The following GUCY1A2 variants were observed in gnomAD, a reference collection of about 807,000 sequenced individuals.
The protein encoded by GUCY1A2 is guanylate cyclase soluble subunit alpha-2.
Under a neutral mutation model 63.5 loss-of-function variants are expected in GUCY1A2, and 27 were observed. The observed-to-expected ratio is 0.43, with a 90% CI of 0.31 to 0.59. The LOEUF is 0.59. Ranked by LOEUF, GUCY1A2 falls within the 20% of genes least tolerant of loss-of-function variation. The pLI is 0.11. For synonymous variants in GUCY1A2, 364 were observed against 343.5 expected, an observed-to-expected ratio of 1.06 and a Z score of -0.66; for missense variants, 768 against 913.3, an observed-to-expected ratio of 0.84 and a Z score of 2.05.
At position 106,708,686 on chromosome 11, in the gene GUCY1A2, G is replaced by A. The variant is rs765985770; in HGVS notation, c.1837-20C>T. 1 of 1,530,122 alleles carries A rather than the reference G, an allele frequency of 6.5e-7. No homozygotes were observed. The highest frequency in any genetic ancestry group is 8.9e-7 in the Non-Finnish European group (1 of 1,127,990). 94.8% of individuals were successfully genotyped at this position (1,530,122 alleles called of 1,614,324 possible). On this transcript the variant is annotated intron_variant, in intron 6 of 7. Coordinates refer to ENST00000526355, the MANE Select transcript of GUCY1A2 (RefSeq NM_000855.3). ...CCTCATCTAAAGAAGAATGAAAGAG[G>A]AAAAGGAACATATTTGTTTCCATTT...
intron 3 of GUCY1A2, among the ~76,000 whole-genome samples, chr11:106,945,414 A>G (rs933997185): frequency 2.1e-5 from 3 of 144,750 alleles, no homozygotes; most frequent in Non-Finnish European, 4.6e-5. Flanking sequence ...ACAAAAAAAC[A>G]CATTAATCGA....
At chr11:106,711,320 A>T (rs1192696893) in intron 6 of GUCY1A2, among the ~76,000 whole-genome samples, 15 of 152,222 alleles carry the variant, frequency 9.9e-5, no homozygotes, top group Admixed American at 3.3e-4. Context: ...TGGAAAAAAC[A>T]TTCCAAGTAA....
chr11:106,685,453 A>G lies in GUCY1A2; in HGVS notation c.*2096T>C, dbSNP rs962028972. 9.0e-6 allele frequency: 2 copies of G among 221,636 alleles called. No individual in the cohort carries two copies. Among genetic ancestry groups the G allele is most frequent in the Non-Finnish European group, 9.0e-6 (1 of 110,924 alleles). 13.7% of individuals were successfully genotyped at this position (221,636 alleles called of 1,614,324 possible). A position where few individuals can be genotyped will look rare whatever the true frequency, so the allele number is the denominator to read the frequency against. ...AATCTTTATAAAAAGTGAGAGAAAT[A>G]GATTGGATATTCCTGGAAGTCCCTT... On this transcript the variant is annotated 3_prime_UTR_variant, in exon 8 of 8. Transcript: ENST00000526355.
chr11:106,724,634 T>G (rs1470946275), intron 6 of GUCY1A2, among the ~76,000 whole-genome samples: 5 of 152,238 alleles, frequency 3.3e-5, no homozygotes, highest in Non-Finnish European at 7.3e-5. Flanking sequence ...GATTTAAGCC[T>G]ATTTGAAAAA....
At chr11:106,713,787 T>C (rs1029332275) in intron 6 of GUCY1A2, among the ~76,000 whole-genome samples, 3 of 152,074 alleles carry the variant, frequency 2.0e-5, no homozygotes, top group African/African-American at 7.2e-5. Flanking sequence ...ATTACAGGCG[T>C]GAGCCACCGC....
intron 1 of GUCY1A2, among the ~76,000 whole-genome samples, chr11:106,997,469 T>C (rs1020987616): frequency 3.3e-5 from 5 of 152,096 alleles, no homozygotes; most frequent in Non-Finnish European, 5.9e-5. Context: ...GAGCCCTTTA[T>C]CATTTCTAAC....
intron 4 of GUCY1A2, among the ~76,000 whole-genome samples, chr11:106,866,379 T>A (rs953847788): frequency 1.3e-5 from 2 of 152,068 alleles, no homozygotes; most frequent in African/African-American, 4.8e-5. Flanking sequence ...AGGAAGCATA[T>A]TTGTCATTTA....
intron 6 of GUCY1A2, among the ~76,000 whole-genome samples, chr11:106,754,140 G>A (rs554680803): frequency 3.3e-5 from 5 of 152,232 alleles, no homozygotes; most frequent in Admixed American, 1.3e-4. Flanking sequence ...GTTCACTCAT[G>A]ATTTGGCTCT....
chr11:107,012,997 G>A (rs1015315406), intron 1 of GUCY1A2, among the ~76,000 whole-genome samples: 1 of 112,100 alleles, frequency 8.9e-6, no homozygotes, highest in South Asian at 3.2e-4. Context: ...ATCAACAGAA[G>A]CTAAAGTATT....
At chr11:106,933,276 A>T (rs979911911) in intron 4 of GUCY1A2, among the ~76,000 whole-genome samples, 6 of 152,186 alleles carry the variant, frequency 3.9e-5, no homozygotes, top group African/African-American at 1.2e-4. Flanking sequence ...ACCATTAAAA[A>T]TAGGCAAAAT....
In GUCY1A2 at chr11:106,950,716, G is replaced by A. The variant is rs924936236; in HGVS notation, c.488-10538C>T. Among the ~76,000 whole-genome samples, 3 of 152,120 alleles carry A rather than the reference G, an allele frequency of 2.0e-5. 1 individual carries two copies. The highest frequency in any genetic ancestry group is 4.1e-4 in the South Asian group (2 of 4,830). ...ATGATTTCCACATGGACCGATCCTC[G>A]GAGGGCTTACTCAGAGCTGTTAATC... On this transcript the variant is annotated intron_variant, in intron 3 of 7. Transcript: ENST00000526355.
intron 4 of GUCY1A2, chr11:106,936,731 T>C (rs539446943): frequency 4.9e-6 from 7 of 1,433,186 alleles, no homozygotes; most frequent in Non-Finnish European, 6.6e-6. Context: ...TTTTTTTTTA[T>C]GGCAGACGTA....
intron 6 of GUCY1A2, among the ~76,000 whole-genome samples, chr11:106,763,816 T>G (rs1864111098): frequency 6.6e-6 from 1 of 152,098 alleles, no homozygotes; most frequent in Non-Finnish European, 1.5e-5. Context: ...ACTATTTGAC[T>G]ACATTTTTCT....
intron 1 of GUCY1A2, among the ~76,000 whole-genome samples, chr11:106,988,565 G>C (rs1315828895): frequency 1.3e-5 from 2 of 152,256 alleles, no homozygotes; most frequent in Non-Finnish European, 1.5e-5. Flanking sequence ...TTTCTTGTGT[G>C]AAGCAATTAC....
At chr11:106,997,243 A>G (rs1050390366) in intron 1 of GUCY1A2, among the ~76,000 whole-genome samples, 9 of 152,170 alleles carry the variant, frequency 5.9e-5, no homozygotes, top group African/African-American at 2.2e-4. Flanking sequence ...GTAACTATTT[A>G]TCTGATAATC....
chr11:106,748,092 A>C (rs1392899179), intron 6 of GUCY1A2, among the ~76,000 whole-genome samples: 1 of 152,220 alleles, frequency 6.6e-6, no homozygotes, highest in Non-Finnish European at 1.5e-5. Flanking sequence ...AGAATAAAGA[A>C]GTTTCTTTAA....
At chr11:106,998,743 A>G (rs1291705408) in intron 1 of GUCY1A2, among the ~76,000 whole-genome samples, 1 of 152,082 alleles carries the variant, frequency 6.6e-6, no homozygotes, top group Non-Finnish European at 1.5e-5. Flanking sequence ...CATCAGCCCC[A>G]TTTGGTCCTG....
Position 106,687,487 on chromosome 11 carries a change from C to A in GUCY1A2, c.*62G>T, listed in dbSNP as rs574909477. 1.7e-6 allele frequency: 2 copies of A among 1,170,146 alleles called. No individual in the cohort carries two copies. Among genetic ancestry groups the A allele is most frequent in the African/African-American group, 1.5e-5 (1 of 66,172 alleles). The allele number at this position is 1,170,146 out of a possible 1,614,324, so 72.5% of individuals were successfully genotyped here. On this transcript the variant is annotated 3_prime_UTR_variant, in exon 8 of 8. Coordinates refer to ENST00000526355, the MANE Select transcript of GUCY1A2 (RefSeq NM_000855.3). ...AAGAGACACAATCTCTTTCCACCCC[C>A]CATTGGTGACCCATGTTCTGGGCTT...
At position 107,018,078 on chromosome 11, in the gene GUCY1A2, C is replaced by T; in HGVS notation, c.-23G>A. 7.1e-7 allele frequency: 1 copy of T among 1,417,410 alleles called. No individual in the cohort carries two copies. 87.8% of individuals were successfully genotyped at this position (1,417,410 alleles called of 1,614,324 possible). A position where few individuals can be genotyped will look rare whatever the true frequency, so the allele number is the denominator to read the frequency against. On this transcript the variant is annotated 5_prime_UTR_variant, in exon 1 of 8. Coordinates refer to ENST00000526355, the MANE Select transcript of GUCY1A2 (RefSeq NM_000855.3). ...CATGCTGCCGGCGGAGCTGCAGCGGCCGAGGCGGTGGCGGCGAGGACGCGA... is the reference window on the plus strand; with the variant it reads ...CATGCTGCCGGCGGAGCTGCAGCGGTCGAGGCGGTGGCGGCGAGGACGCGA...
Sources: gnomAD v4.1 joint callset for allele counts (sites outside exome capture counted in the v4.1 genomes callset) on GRCh38, gnomAD v4.1.1 for gene constraint, MANE v1.5 for transcripts, NCBI Gene and HGNC (gene_info 2026-07-23, HGNC 2026-07-21) for gene names.